Variants in EEPD1 observed in about 807,000 individuals in gnomAD.
The protein encoded by EEPD1 is endonuclease/exonuclease/phosphatase family domain containing 1, also known as endonuclease/exonuclease/phosphatase family domain-containing protein 1.
In EEPD1, 17 loss-of-function variants were observed where a neutral mutation model predicts 46.3. That is an observed-to-expected ratio of 0.37 (90% CI 0.25 to 0.55). The LOEUF (loss-of-function observed/expected upper bound fraction) is 0.55, where lower values mean the gene tolerates loss of function less well. EEPD1 is among the 20% of genes least tolerant of loss of function. The pLI, the probability that EEPD1 is intolerant of heterozygous loss-of-function variation, is 0.83. For missense variants in EEPD1, 673 were observed against 745.6 expected, an observed-to-expected ratio of 0.90 and a Z score of 1.13; for synonymous variants, 313 against 315.6, an observed-to-expected ratio of 0.99 and a Z score of 0.09.
At chr7:36,244,300 T>C (rs556797998) in intron 3 of EEPD1, among the ~76,000 whole-genome samples, 59 of 152,242 alleles carry the variant, frequency 3.9e-4, no homozygotes, top group African/African-American at 1.2e-3. Flanking sequence ...ATGGAAGCTA[T>C]TCTAAAGGGG....
In EEPD1 at chr7:36,210,721, C is replaced by T. The variant is rs148686512; in HGVS notation, c.879-28264C>T. Reference sequence around the variant, plus strand: ...AAGCTTCTTCCCACCTGCGCATTTGCTGCTGCCTCCGCGTAGACCTTTTCC... The same window carrying T: ...AAGCTTCTTCCCACCTGCGCATTTGTTGCTGCCTCCGCGTAGACCTTTTCC... On this transcript the variant is annotated intron_variant, in intron 2 of 7. Coordinates refer to ENST00000242108, the MANE Select transcript of EEPD1 (RefSeq NM_030636.3). Among the ~76,000 whole-genome samples, 1,148 of 152,298 alleles carry T rather than the reference C, an allele frequency of 7.5e-3. 11 individuals are homozygous for T. The highest frequency in any genetic ancestry group is 7.4e-3 in the Non-Finnish European group (506 of 68,022).
chr7:36,247,148 A>G (rs556972244), intron 3 of EEPD1, among the ~76,000 whole-genome samples: 1 of 152,148 alleles, frequency 6.6e-6, no homozygotes, highest in East Asian at 1.9e-4. Context: ...AAGAAAAGAA[A>G]AAAATTGAAC....
chr7:36,158,959 A>G (rs1784864718), intron 2 of EEPD1, among the ~76,000 whole-genome samples: 1 of 152,236 alleles, frequency 6.6e-6, no homozygotes, highest in Admixed American at 6.5e-5. Context: ...TAAGAAGAGA[A>G]CTTGAGTGTC....
intron 3 of EEPD1, among the ~76,000 whole-genome samples, chr7:36,243,307 G>GT (rs1223508161): frequency 7.5e-5 from 4 of 53,252 alleles, no homozygotes; most frequent in Admixed American, 7.3e-4. Context: ...AATTAAGCCT[G>GT]GTTTTTTTTT....
intron 3 of EEPD1, among the ~76,000 whole-genome samples, chr7:36,274,001 G>T (rs950844274): frequency 2.0e-5 from 3 of 152,228 alleles, no homozygotes; most frequent in African/African-American, 7.2e-5. Context: ...AGGCAGTGCT[G>T]TGGCAGTGTT....
chr7:36,217,228 G>T (rs1179060695), intron 2 of EEPD1, among the ~76,000 whole-genome samples: 2 of 152,268 alleles, frequency 1.3e-5, no homozygotes, highest in Non-Finnish European at 2.9e-5. Context: ...ACAAGGGGAG[G>T]ATTTTTCATG....
At chr7:36,204,345 C>T (rs1785772838) in intron 2 of EEPD1, among the ~76,000 whole-genome samples, 1 of 152,050 alleles carries the variant, frequency 6.6e-6, no homozygotes, top group Non-Finnish European at 1.5e-5. Context: ...CATAAATGCC[C>T]TTTTAAGTAG....
Position 36,290,574 on chromosome 7 carries a change from C to G in EEPD1, c.1315+2797C>G, listed in dbSNP as rs1787413629. ...TGTGGTTAGCAAGCTCCGGGCCTTT[C>G]TGCCTTTGTCTGGAACGTGCATGCA... On this transcript the variant is annotated intron_variant, in intron 6 of 7. Coordinates refer to ENST00000242108, the MANE Select transcript of EEPD1 (RefSeq NM_030636.3). 6.6e-5 allele frequency among the ~76,000 whole-genome samples: 10 copies of G among 152,316 alleles called. 1 individual carries two copies. In the South Asian group the frequency reaches 2.1e-3, roughly 32 times the overall value.
intron 2 of EEPD1, among the ~76,000 whole-genome samples, chr7:36,178,370 A>G (rs1262166482): frequency 6.6e-6 from 1 of 152,216 alleles, no homozygotes; most frequent in Non-Finnish European, 1.5e-5. Context: ...TTCTGAAAGC[A>G]TTGGGGCTCC....
chr7:36,231,862 C>T (rs1786337241), intron 2 of EEPD1, among the ~76,000 whole-genome samples: 1 of 152,158 alleles, frequency 6.6e-6, no homozygotes, highest in Non-Finnish European at 1.5e-5. Flanking sequence ...CAGGGAGTAT[C>T]TGATATGCTA....
intron 2 of EEPD1, among the ~76,000 whole-genome samples, chr7:36,176,721 C>G (rs1165547296): frequency 6.6e-6 from 1 of 152,084 alleles, no homozygotes; most frequent in East Asian, 1.9e-4. Context: ...TCAGATCATG[C>G]TAACTTGATA....
chr7:36,218,123 T>C (rs1485620937), intron 2 of EEPD1, among the ~76,000 whole-genome samples: 1 of 152,180 alleles, frequency 6.6e-6, no homozygotes, highest in Non-Finnish European at 1.5e-5. Flanking sequence ...TATTAAGAAC[T>C]GCGTAACGGT....
At chr7:36,263,556 G>A (rs1252782283) in intron 3 of EEPD1, among the ~76,000 whole-genome samples, 1 of 152,180 alleles carries the variant, frequency 6.6e-6, no homozygotes, top group Non-Finnish European at 1.5e-5. Flanking sequence ...TAGCTCTGGG[G>A]ATCTTCAGGG....
intron 2 of EEPD1, among the ~76,000 whole-genome samples, chr7:36,175,077 TA>T (rs1325622159): frequency 6.6e-6 from 1 of 152,224 alleles, no homozygotes; most frequent in Non-Finnish European, 1.5e-5. Context: ...GACCATGGTT[TA>T]AACCGTTGAT....
chr7:36,205,400 C>G (rs973759992), intron 2 of EEPD1, among the ~76,000 whole-genome samples: 10 of 152,348 alleles, frequency 6.6e-5, no homozygotes, highest in Admixed American at 1.3e-4. Flanking sequence ...AAAGATTCAT[C>G]TCCTTACACA....
intron 6 of EEPD1, among the ~76,000 whole-genome samples, chr7:36,296,538 G>A (rs1258602199): frequency 1.5e-5 from 2 of 134,516 alleles, no homozygotes; most frequent in East Asian, 5.8e-4. Flanking sequence ...GTTTCAGTAT[G>A]TGTGTTTGTT....
At chr7:36,165,586 A>AATTTACTTATTTATTTATTT (rs1784969670) in intron 2 of EEPD1, among the ~76,000 whole-genome samples, 1 of 134,630 alleles carries the variant, frequency 7.4e-6, no homozygotes, top group Non-Finnish European at 1.6e-5. Flanking sequence ...CGCCCCAGCT[A>AATTTACTTATTTATTTATTT]ATTTATTTAT....
chr7:36,239,228 A>G (rs1367698711), intron 3 of EEPD1, among the ~76,000 whole-genome samples, 192 bp downstream of exon 3: 2 of 152,162 alleles, frequency 1.3e-5, no homozygotes, highest in African/African-American at 4.8e-5. Flanking sequence ...TCACACCTAC[A>G]AACTCGGCTG....
chr7:36,246,015 T>G (rs1562700649), intron 3 of EEPD1, among the ~76,000 whole-genome samples: 4 of 152,254 alleles, frequency 2.6e-5, no homozygotes, highest in Admixed American at 2.0e-4. Flanking sequence ...CAGCTTGATT[T>G]AGAAAGATCA....
Sources: allele counts gnomAD v4.1 joint callset (sites outside exome capture counted in the v4.1 genomes callset), GRCh38; gene constraint gnomAD v4.1.1; transcripts MANE v1.5; gene names NCBI Gene and HGNC (gene_info 2026-07-23, HGNC 2026-07-21).